Variants in SNTA1 observed in about 807,000 individuals in gnomAD.
SNTA1 encodes syntrophin alpha 1.
SNTA1 carries 31 observed loss-of-function variants against 47.1 expected under a neutral mutation model. The observed-to-expected ratio is 0.66, with a 90% CI of 0.49 to 0.89. The LOEUF is 0.89. Ranked by LOEUF, SNTA1 falls within the 40% of genes least tolerant of loss-of-function variation. SNTA1 has a pLI of 0.00. For missense variants in SNTA1, 575 were observed against 693.0 expected, an observed-to-expected ratio of 0.83 and a Z score of 1.91; for synonymous variants, 300 against 313.6, an observed-to-expected ratio of 0.96 and a Z score of 0.46.
intron 2 of SNTA1, among the ~76,000 whole-genome samples, chr20:33,421,279 G>A (rs1990013551): frequency 6.6e-6 from 1 of 152,180 alleles, no homozygotes; most frequent in Admixed American, 6.6e-5. Context: ...CCATGGACAA[G>A]GTCATTTACC....
Position 33,438,881 on chromosome 20 carries a change from C to T in SNTA1, c.456G>A (p.Val152=), listed in dbSNP as rs1990508951. 1.3e-5 allele frequency: 21 copies of T among 1,614,196 alleles called. No homozygotes were observed. In the East Asian group the frequency reaches 2.7e-4, roughly 21 times the overall value. ...CCTTGCCTGTCTTCTTGAGGACCTG[C>T]ACCGCCTCATCATGGGTAGCAGAGG... ...DLSSATHDEA[V]QVLKKTGKEV... is the part of the protein sequence containing the mutation. Residue 152 remains valine (V), a synonymous_variant, in exon 2 of 8, where the codon GTG becomes GTA. Coordinates refer to ENST00000217381, the MANE Select transcript of SNTA1 (RefSeq NM_003098.3).
intron 1 of SNTA1, among the ~76,000 whole-genome samples, chr20:33,439,258 C>A (rs900928084): frequency 3.9e-5 from 6 of 152,106 alleles, no homozygotes; most frequent in Middle Eastern, 3.2e-3. Context: ...AATCCCAGCA[C>A]CTTAGAAGGC....
chr20:33,437,246 G>A (rs1221074280), intron 2 of SNTA1, among the ~76,000 whole-genome samples: 1 of 151,468 alleles, frequency 6.6e-6, no homozygotes, highest in Non-Finnish European at 1.5e-5. Context: ...CTGGGCAACA[G>A]AGTGAGACTC....
chr20:33,443,318 G>T lies in SNTA1; in HGVS notation c.303C>A (p.Ser101Arg). Residue 101 changes from serine (S) to arginine (R), a missense_variant, in exon 1 of 8, where the codon AGC (serine) becomes AGA (arginine). By Grantham distance (110) the Ser-to-Arg change is moderately radical. Coordinates refer to ENST00000217381, the MANE Select transcript of SNTA1 (RefSeq NM_003098.3). ...RKADAGGLGI[S>R]IKGGRENKMP... ...TCGGTGTCCCGCGCCCACCTTTGAT[G>T]CTGATGCCCAGCCCACCGGCGTCGG... The T allele has an allele frequency of 6.6e-7, 1 of 1,509,974 alleles. No homozygotes were observed. Among genetic ancestry groups the T allele is most frequent in the East Asian group, 2.7e-5 (1 of 36,536 alleles). The allele number at this position is 1,509,974 out of a possible 1,614,324, so 93.5% of individuals were successfully genotyped here.
At chr20:33,431,283 T>A (rs1990300877) in intron 2 of SNTA1, among the ~76,000 whole-genome samples, 1 of 152,080 alleles carries the variant, frequency 6.6e-6, no homozygotes, top group African/African-American at 2.4e-5. Context: ...TGTTTTTGAT[T>A]AAAATATATA....
At chr20:33,418,676 C>T (rs1989939590) in intron 2 of SNTA1, among the ~76,000 whole-genome samples, 1 of 151,512 alleles carries the variant, frequency 6.6e-6, no homozygotes, top group African/African-American at 2.4e-5. Flanking sequence ...ACCTGTAATC[C>T]CAGCTACTGG....
intron 2 of SNTA1, among the ~76,000 whole-genome samples, chr20:33,422,915 T>C (rs1302438306): frequency 1.3e-5 from 2 of 151,966 alleles, no homozygotes; most frequent in Non-Finnish European, 2.9e-5. Flanking sequence ...GATCAGATGC[T>C]CAGTCTGGAT....
intron 6 of SNTA1, among the ~76,000 whole-genome samples, chr20:33,409,668 C>G (rs1989690394): frequency 6.6e-6 from 1 of 151,812 alleles, no homozygotes; most frequent in Non-Finnish European, 1.5e-5. Context: ...CAGTCTTGCT[C>G]TGTCGCCCAG....
At chr20:33,436,011 G>A (rs900260757) in intron 2 of SNTA1, among the ~76,000 whole-genome samples, 5 of 152,056 alleles carry the variant, frequency 3.3e-5, no homozygotes, top group South Asian at 2.1e-4. Context: ...TGGCTAACAC[G>A]GTGAAACCAC....
At chr20:33,439,682 A>G (rs1175789415) in intron 1 of SNTA1, among the ~76,000 whole-genome samples, 1 of 152,196 alleles carries the variant, frequency 6.6e-6, no homozygotes, top group African/African-American at 2.4e-5. Flanking sequence ...CTATGTACGC[A>G]CAAAAATTAA....
At chr20:33,432,057 A>G (rs1483633087) in intron 2 of SNTA1, among the ~76,000 whole-genome samples, 1 of 152,226 alleles carries the variant, frequency 6.6e-6, no homozygotes, top group Admixed American at 6.5e-5. Flanking sequence ...TTCCTTGAGA[A>G]CAATGGTCAG....
chr20:33,426,739 G>A (rs1163022730), intron 2 of SNTA1, among the ~76,000 whole-genome samples: 1 of 151,946 alleles, frequency 6.6e-6, no homozygotes, highest in East Asian at 1.9e-4. Context: ...TCCAGCCTGG[G>A]TGACAGACAT....
In SNTA1 at chr20:33,417,878, C is replaced by G. The variant is rs528708281; in HGVS notation, c.542G>C (p.Gly181Ala). 1 of 1,614,096 alleles carries G rather than the reference C, an allele frequency of 6.2e-7. No homozygotes were observed. The highest frequency in any genetic ancestry group is 1.3e-5 in the African/African-American group (1 of 75,038). The change falls in exon 3 of 8, where the codon GGT becomes GCT. Residue 181 changes from glycine to alanine, a missense_variant. Transcript: ENST00000217381. ...TGAGTCCCAGCCGACCGAGGTCCCACCAGTAGAGTTCTTGAAATACGGTGA... is the reference window on the plus strand; with the variant it reads ...TGAGTCCCAGCCGACCGAGGTCCCAGCAGTAGAGTTCTTGAAATACGGTGA... The part of the protein sequence containing the change: ...DVSPYFKNST[G>A]GTSVGWDSPP...
intron 6 of SNTA1, among the ~76,000 whole-genome samples, chr20:33,409,340 C>T (rs1989680734): frequency 6.6e-6 from 1 of 152,164 alleles, no homozygotes; most frequent in Non-Finnish European, 1.5e-5. Flanking sequence ...CAACCCTACC[C>T]CAAGTGCCAT....
At position 33,438,953 on chromosome 20, in the gene SNTA1, G is replaced by C; in HGVS notation, c.384C>G (p.Ala128=). 2 of 1,614,094 alleles carry C rather than the reference G, an allele frequency of 1.2e-6. No individual in the cohort carries two copies. The highest frequency in any genetic ancestry group is 1.7e-6 in the Non-Finnish European group (2 of 1,179,998). ...ACAGGATGGCATCCCCCACAAAAAG[G>C]GCCTCTGTCTGGTCAGCTGCCAATC... ...FKGLAADQTE[A]LFVGDAILSV... The change falls in exon 2 of 8, where the codon GCC becomes GCG. Residue 128 remains alanine, a synonymous_variant. Transcript: ENST00000217381.
At chr20:33,417,638 C>T in intron 3 of SNTA1, 81 bp downstream of exon 3, 1 of 995,570 alleles carries the variant, frequency 1.0e-6, no homozygotes, top group Non-Finnish European at 1.6e-6. Flanking sequence ...ATTCGTACAA[C>T]ACAGAGGTGT....
At chr20:33,432,628 C>T (rs1049335840) in intron 2 of SNTA1, among the ~76,000 whole-genome samples, 2 of 152,196 alleles carry the variant, frequency 1.3e-5, no homozygotes, top group Non-Finnish European at 2.9e-5. Flanking sequence ...GTAACCCCAG[C>T]ACTTTGGGAG....
chr20:33,434,982 C>CTTT (rs11475592), intron 2 of SNTA1, among the ~76,000 whole-genome samples: 9 of 55,174 alleles, frequency 1.6e-4, no homozygotes, highest in African/African-American at 2.1e-4. Flanking sequence ...CAGGCACCAG[C>CTTT]TTTTTTTTTT....
chr20:33,419,266 G>A (rs1989961034), intron 2 of SNTA1, among the ~76,000 whole-genome samples: 1 of 152,116 alleles, frequency 6.6e-6, no homozygotes, highest in African/African-American at 2.4e-5. Context: ...CTAGCTATCT[G>A]ACGTCTGCAG....
Sources: gnomAD v4.1 joint callset for allele counts (sites outside exome capture counted in the v4.1 genomes callset) on GRCh38, gnomAD v4.1.1 for gene constraint, MANE v1.5 for transcripts, NCBI Gene and HGNC (gene_info 2026-07-23, HGNC 2026-07-21) for gene names.